Variants in CSMD1 observed in about 807,000 individuals in gnomAD.
CSMD1 encodes the protein CUB and sushi domain-containing protein 1.
Under a neutral mutation model 417.5 loss-of-function variants are expected in CSMD1, and 213 were observed. That is an observed-to-expected ratio of 0.51 (90% confidence interval 0.46 to 0.57). The LOEUF is 0.57. Among genes scored for constraint, CSMD1 ranks in the 20% least tolerant of loss-of-function variants. The pLI, the probability that CSMD1 is intolerant of heterozygous loss-of-function variation, is 0.00. For missense variants in CSMD1, 6,923 were observed against 4,529.7 expected (o/e 1.53, Z -15.17); for synonymous variants, 2,862 against 1,736.8 (o/e 1.65, Z -16.11).
intron 11 of CSMD1, among the ~76,000 whole-genome samples, chr8:3,483,535 T>A (rs1817859023): frequency 6.6e-6 from 1 of 152,054 alleles, no homozygotes; most frequent in African/African-American, 2.4e-5. Flanking sequence ...CAATAGAAAA[T>A]TCTACTAATT....
chr8:4,738,151 G>A (rs961176717), intron 1 of CSMD1, among the ~76,000 whole-genome samples: 26 of 152,260 alleles, frequency 1.7e-4, no homozygotes, highest in African/African-American at 6.3e-4. Flanking sequence ...GAATTAAACA[G>A]AATATCAGGT....
At chr8:4,135,151 T>C (rs906718546) in intron 3 of CSMD1, among the ~76,000 whole-genome samples, 1 of 152,184 alleles carries the variant, frequency 6.6e-6, no homozygotes, top group Non-Finnish European at 1.5e-5. Context: ...CATATTCTGG[T>C]ACAATCACTA....
intron 49 of CSMD1, among the ~76,000 whole-genome samples, chr8:3,053,476 C>T (rs1812008061): frequency 6.6e-6 from 1 of 151,970 alleles, no homozygotes; most frequent in Non-Finnish European, 1.5e-5. Flanking sequence ...TCCCTAAAGC[C>T]CCAGGAAGTT....
Position 4,756,292 on chromosome 8 carries a change from G to T in CSMD1, c.86-118734C>A, listed in dbSNP as rs965055395. On this transcript the variant is annotated intron_variant, in intron 1 of 69. Transcript: ENST00000635120. The stretch of plus-strand genomic sequence containing the variant: ...AATCACATTGCCATCATGCAAAATT[G>T]AGAAAGTTTTAAATATTGAAGATTT... Among the ~76,000 whole-genome samples, 12 of 152,210 alleles carry T rather than the reference G, an allele frequency of 7.9e-5. No homozygotes were observed. In the East Asian group the frequency reaches 2.1e-3, roughly 27 times the overall value.
At chr8:4,388,253 C>T (rs1293565623) in intron 3 of CSMD1, among the ~76,000 whole-genome samples, 1 of 151,070 alleles carries the variant, frequency 6.6e-6, no homozygotes, top group East Asian at 1.9e-4. Context: ...ATTGCAAAAT[C>T]ATGGAATGAA....
intron 5 of CSMD1, among the ~76,000 whole-genome samples, chr8:3,760,176 G>A (rs188225418): frequency 1.3e-5 from 2 of 152,126 alleles, no homozygotes; most frequent in Admixed American, 1.3e-4. Context: ...TATTTCTGGA[G>A]CATCTCAATC....
intron 3 of CSMD1, among the ~76,000 whole-genome samples, chr8:4,343,399 T>A (rs1185286453): frequency 1.3e-5 from 2 of 152,008 alleles, no homozygotes; most frequent in Non-Finnish European, 2.9e-5. Flanking sequence ...AGAGCTGACC[T>A]TAAGTGTTGT....
chr8:3,841,244 A>C (rs1161217078), intron 5 of CSMD1, among the ~76,000 whole-genome samples: 3 of 152,320 alleles, frequency 2.0e-5, no homozygotes, highest in African/African-American at 7.2e-5. Flanking sequence ...TATATTGAAA[A>C]GTTTTAAATA....
intron 2 of CSMD1, among the ~76,000 whole-genome samples, chr8:4,446,912 C>G (rs966284287): frequency 8.6e-5 from 13 of 150,412 alleles, no homozygotes; most frequent in African/African-American, 3.0e-4. Flanking sequence ...TGAGCCATTG[C>G]GCCTGGCAGA....
intron 40 of CSMD1, among the ~76,000 whole-genome samples, chr8:3,150,767 G>C (rs921797421): frequency 6.6e-6 from 1 of 152,118 alleles, no homozygotes; most frequent in Non-Finnish European, 1.5e-5. Flanking sequence ...GGCAGACAGG[G>C]AAAGGCGTGA....
intron 2 of CSMD1, among the ~76,000 whole-genome samples, chr8:4,427,600 C>A (rs567886764): frequency 1.3e-5 from 2 of 151,888 alleles, no homozygotes; most frequent in African/African-American, 2.4e-5. Flanking sequence ...GAGAGAGACT[C>A]GAAGTAAAAA....
chr8:4,047,400 A>G (rs1798202463), intron 3 of CSMD1, among the ~76,000 whole-genome samples: 1 of 152,192 alleles, frequency 6.6e-6, no homozygotes, highest in Admixed American at 6.5e-5. Context: ...CTCAGGAAAT[A>G]TTGCGGAAAA....
chr8:4,849,715 A>G (rs1168666175), intron 1 of CSMD1, among the ~76,000 whole-genome samples: 3 of 152,222 alleles, frequency 2.0e-5, no homozygotes, highest in Non-Finnish European at 4.4e-5. Context: ...GCTTAGGGGC[A>G]ACAGGCTATA....
chr8:3,423,855 C>G (rs1293172636), intron 12 of CSMD1, among the ~76,000 whole-genome samples: 3 of 152,164 alleles, frequency 2.0e-5, no homozygotes, highest in Admixed American at 2.0e-4. Context: ...TGGAAGTCAC[C>G]TCCACCAGTC....
intron 26 of CSMD1, among the ~76,000 whole-genome samples, chr8:3,265,264 A>G (rs1801352482): frequency 6.6e-6 from 1 of 152,230 alleles, no homozygotes; most frequent in Non-Finnish European, 1.5e-5. Flanking sequence ...AAATGCTACT[A>G]AGTGTCAAAT....
chr8:4,459,157 G>C (rs920431355), intron 2 of CSMD1, among the ~76,000 whole-genome samples: 3 of 152,324 alleles, frequency 2.0e-5, no homozygotes, highest in Non-Finnish European at 2.9e-5. Context: ...AAGCTTCATA[G>C]GCAAAGGATA....
chr8:4,590,257 G>C (rs1799918767), intron 2 of CSMD1, among the ~76,000 whole-genome samples: 1 of 152,030 alleles, frequency 6.6e-6, no homozygotes, highest in African/African-American at 2.4e-5. Flanking sequence ...CTTGAAAGTG[G>C]AGAGATGGTG....
chr8:4,883,873 G>T (rs1803564624), intron 1 of CSMD1, among the ~76,000 whole-genome samples: 1 of 151,882 alleles, frequency 6.6e-6, no homozygotes, highest in African/African-American at 2.4e-5. Flanking sequence ...TGGGTCATAT[G>T]GTAACTTTAT....
intron 5 of CSMD1, among the ~76,000 whole-genome samples, chr8:3,758,871 G>C (rs1797827173): frequency 6.6e-6 from 1 of 152,130 alleles, no homozygotes; most frequent in African/African-American, 2.4e-5. Context: ...CCAATGTAAT[G>C]AAAAAGATCC....
Sources: allele counts gnomAD v4.1 joint callset (sites outside exome capture counted in the v4.1 genomes callset), GRCh38; gene constraint gnomAD v4.1.1; transcripts MANE v1.5; gene names NCBI Gene and HGNC (gene_info 2026-07-23, HGNC 2026-07-21).